KIAA0825: variants seen among roughly 807,000 people sequenced by gnomAD.
KIAA0825 encodes KIAA0825.
In KIAA0825, 119 loss-of-function variants were observed where a neutral mutation model predicts 147.6. The observed-to-expected ratio is 0.81, with a 90% confidence interval of 0.69 to 0.94. The LOEUF is 0.94. Among genes scored for constraint, KIAA0825 ranks in the 40% least tolerant of loss-of-function variants. KIAA0825 has a pLI of 0.00. For missense variants in KIAA0825, 1,381 were observed against 1,472.7 expected (o/e 0.94, Z 1.02); for synonymous variants, 470 against 518.1 (o/e 0.91, Z 1.26).
chr5:94,238,044 A>T (rs1443543586), intron 20 of KIAA0825, among the ~76,000 whole-genome samples: 2 of 152,228 alleles, frequency 1.3e-5, no homozygotes, highest in Non-Finnish European at 2.9e-5. Flanking sequence ...CAGATTTCTC[A>T]GAAGAAAAAA....
At chr5:94,164,825 G>C (rs988545489) in intron 20 of KIAA0825, among the ~76,000 whole-genome samples, 3 of 151,938 alleles carry the variant, frequency 2.0e-5, no homozygotes, top group African/African-American at 7.3e-5. Context: ...AATGAAACTA[G>C]ACCCCCATCT....
At chr5:94,221,793 GTC>G (rs1233158572) in intron 20 of KIAA0825, among the ~76,000 whole-genome samples, 1 of 152,134 alleles carries the variant, frequency 6.6e-6, no homozygotes, top group African/African-American at 2.4e-5. Context: ...AAATACAGAG[GTC>G]TCTGTCTTTA....
At chr5:94,501,696 G>C (rs890548609) in intron 5 of KIAA0825, among the ~76,000 whole-genome samples, 2 of 152,196 alleles carry the variant, frequency 1.3e-5, no homozygotes, top group African/African-American at 4.8e-5. Context: ...CTCAATGAAT[G>C]TATCTAGATA....
intron 2 of KIAA0825, among the ~76,000 whole-genome samples, chr5:94,563,195 C>CAA (rs58497890): frequency 0.23 from 32,671 of 139,850 alleles, 4,096 homozygotes; most frequent in Non-Finnish European, 0.31. Context: ...CCAAAAAAAA[C>CAA]AAAAAAAAAA....
chr5:94,261,257 T>G (rs1776479186), intron 20 of KIAA0825, among the ~76,000 whole-genome samples: 1 of 152,072 alleles, frequency 6.6e-6, no homozygotes, highest in Non-Finnish European at 1.5e-5. Context: ...GAGTCAAGAT[T>G]GCACCATTGC....
intron 14 of KIAA0825, among the ~76,000 whole-genome samples, chr5:94,422,769 T>C (rs1754365721): frequency 6.6e-6 from 1 of 152,216 alleles, no homozygotes; most frequent in Non-Finnish European, 1.5e-5. Context: ...GTTCTAGATC[T>C]GCCTAAAGTA....
chr5:94,214,238 T>C (rs1163327605), intron 20 of KIAA0825, among the ~76,000 whole-genome samples: 6 of 152,160 alleles, frequency 3.9e-5, no homozygotes, highest in Non-Finnish European at 8.8e-5. Flanking sequence ...TATTTTTCCC[T>C]GCAATTAGTG....
intron 20 of KIAA0825, among the ~76,000 whole-genome samples, chr5:94,250,757 A>G (rs1262906734): frequency 6.6e-6 from 1 of 152,148 alleles, no homozygotes. Context: ...TTCATAATTT[A>G]TAGCTACAAT....
At chr5:94,464,245 A>G (rs1467396900) in intron 11 of KIAA0825, among the ~76,000 whole-genome samples, 1 of 152,138 alleles carries the variant, frequency 6.6e-6, no homozygotes, top group African/African-American at 2.4e-5. Flanking sequence ...CAATTCATAT[A>G]TTCATTGCCT....
intron 20 of KIAA0825, among the ~76,000 whole-genome samples, chr5:94,355,087 T>A (rs936780926): frequency 1.3e-5 from 2 of 152,196 alleles, no homozygotes; most frequent in Non-Finnish European, 2.9e-5. Flanking sequence ...GACAATTGTT[T>A]GAGTTTGTCT....
chr5:94,192,955 A>G (rs1770807771), intron 20 of KIAA0825, among the ~76,000 whole-genome samples: 1 of 152,132 alleles, frequency 6.6e-6, no homozygotes, highest in African/African-American at 2.4e-5. Flanking sequence ...CCCAATTACT[A>G]TATTATCTTC....
intron 4 of KIAA0825, 74 bp from the exon 5 acceptor site, chr5:94,520,991 CATA>C: frequency 1.6e-6 from 2 of 1,235,518 alleles, no homozygotes; most frequent in South Asian, 1.7e-5. Context: ...TATACAATTT[CATA>C]ATAATTTCAG....
Position 94,452,964 on chromosome 5 carries a change from T to G in KIAA0825, c.2352A>C (p.Leu784Phe). The G allele has an allele frequency of 6.8e-7, 1 of 1,479,166 alleles. No individual in the cohort carries two copies. The highest frequency in any genetic ancestry group is 9.1e-7 in the Non-Finnish European group (1 of 1,104,242). 91.6% of individuals were successfully genotyped at this position (1,479,166 alleles called of 1,614,324 possible). ...VSCISHFYPSLLRTPSAGGLK... is the reference protein window; with the variant it reads ...VSCISHFYPSFLRTPSAGGLK... ...TGGCATTTAGAGGCTCTCACCTGAG[T>G]AAAGAAGGGTAGAAATGTGATATGC... The change falls in exon 13 of 21, where the codon TTA becomes TTC. Residue 784 changes from leucine (L) to phenylalanine (F), a missense_variant. Coordinates refer to ENST00000682413, the MANE Select transcript of KIAA0825 (RefSeq NM_001145678.3).
intron 20 of KIAA0825, among the ~76,000 whole-genome samples, chr5:94,262,158 AT>A (rs1776527460): frequency 6.6e-6 from 1 of 152,148 alleles, no homozygotes. Context: ...TAAGCAGCCA[AT>A]TTACATAAAA....
At chr5:94,431,278 G>GTACC (rs1436614464) in intron 14 of KIAA0825, among the ~76,000 whole-genome samples, 1 of 152,166 alleles carries the variant, frequency 6.6e-6, no homozygotes, top group South Asian at 2.1e-4. Flanking sequence ...ACCCCATTTA[G>GTACC]AAATGAGAAA....
At chr5:94,588,688 G>A (rs1020979276) in intron 1 of KIAA0825, among the ~76,000 whole-genome samples, 2 of 152,086 alleles carry the variant, frequency 1.3e-5, no homozygotes, top group Non-Finnish European at 2.9e-5. Flanking sequence ...CCATTACTCC[G>A]TATATACCCA....
Position 94,344,876 on chromosome 5 carries a change from C to T in KIAA0825, c.3710+39492G>A, listed in dbSNP as rs565853700. Among the ~76,000 whole-genome samples, 36 of 151,884 alleles carry T rather than the reference C, an allele frequency of 2.4e-4. No individual in the cohort carries two copies. The South Asian group carries it at 3.5e-3, about 15-fold the overall frequency. ...TACCTAGAGTGGTCAAATTCAGTGA[C>T]GGAAAATAGCATGGTGGTTGCTAGG... On this transcript the variant is annotated intron_variant, in intron 20 of 20. Coordinates refer to ENST00000682413, the MANE Select transcript of KIAA0825 (RefSeq NM_001145678.3).
chr5:94,521,780 T>A (rs966727101), intron 4 of KIAA0825, among the ~76,000 whole-genome samples: 37 of 151,754 alleles, frequency 2.4e-4, no homozygotes, highest in Admixed American at 4.6e-4. Flanking sequence ...CCTAATTATG[T>A]CTATTTTAGC....
intron 5 of KIAA0825, among the ~76,000 whole-genome samples, chr5:94,493,624 G>A (rs1048854018): frequency 6.6e-6 from 1 of 152,110 alleles, no homozygotes; most frequent in Admixed American, 6.5e-5. Flanking sequence ...TAGTGTCTGG[G>A]ACTACAGGCA....
Sources: allele counts gnomAD v4.1 joint callset (sites outside exome capture counted in the v4.1 genomes callset), GRCh38; gene constraint gnomAD v4.1.1; transcripts MANE v1.5; gene names NCBI Gene and HGNC (gene_info 2026-07-23, HGNC 2026-07-21).